The following NXPE2 variants were observed in gnomAD, a reference collection of about 807,000 sequenced individuals.
NXPE2 encodes the protein neurexophilin and PC-esterase domain family member 2.
In NXPE2, 34 loss-of-function variants were observed where a neutral mutation model predicts 34.4. The ratio of observed to expected loss-of-function variants is 0.99; its 90% CI spans 0.75 to 1.31. The LOEUF is 1.31. NXPE2 is among the 40% of genes most tolerant of loss of function. The pLI, the probability that NXPE2 is intolerant of heterozygous loss-of-function variation, is 0.00. For missense variants in NXPE2, 649 were observed against 672.5 expected (o/e 0.97, Z 0.39); for synonymous variants, 235 against 231.3 (o/e 1.02, Z -0.15).
intron 3 of NXPE2, 129 bp downstream of exon 3, chr11:114,698,907 A>G (rs1339276120): frequency 1.1e-6 from 1 of 894,332 alleles, no homozygotes; most frequent in Non-Finnish European, 1.6e-6. Context: ...AGGTCCTCAG[A>G]GTCAGTTCAG....
chr11:114,572,123 C>T, the NXPE2 span, among the ~76,000 whole-genome samples: 1 of 152,038 alleles, frequency 6.6e-6, no homozygotes, highest in Non-Finnish European at 1.5e-5. Flanking sequence ...CCCAGTAGCT[C>T]CACTGGGTTG....
the NXPE2 span, among the ~76,000 whole-genome samples, chr11:114,631,864 G>C: frequency 6.6e-6 from 1 of 151,032 alleles, no homozygotes; most frequent in Admixed American, 6.6e-5. Flanking sequence ...ATTGTGTCGT[G>C]GGTAACCGCT....
At chr11:114,734,561 A>C in the NXPE2 span, among the ~76,000 whole-genome samples, 2 of 152,168 alleles carry the variant, frequency 1.3e-5, no homozygotes, top group African/African-American at 4.8e-5. Flanking sequence ...CTAATAATTT[A>C]CTTTATTATA....
chr11:114,471,102 A>G, the NXPE2 span, among the ~76,000 whole-genome samples: 7 of 152,152 alleles, frequency 4.6e-5, no homozygotes, highest in East Asian at 1.9e-4. Flanking sequence ...TCATTCTCTT[A>G]ACAGTGCCTA....
chr11:114,680,102 C>CCT lies in NXPE2; in HGVS notation c.132+343_132+344dup, dbSNP rs1211153320. Among the ~76,000 whole-genome samples, 4 of 152,218 alleles carry CCT rather than the reference C, an allele frequency of 2.6e-5. No homozygotes were observed. The East Asian group carries it at 7.7e-4, about 29-fold the overall frequency. The stretch of plus-strand genomic sequence containing the variant: ...AAACTAATTAAGTTTCTGTTTCAGT[C>CCT]CTCTGCCTTCTTCACAGGGGTTTTC... On this transcript the variant is annotated intron_variant, in intron 2 of 5. Transcript: ENST00000389586.
In NXPE2 at chr11:114,703,048, C is replaced by T. The variant is rs1002245085; in HGVS notation, c.867-943C>T. 8.5e-5 allele frequency among the ~76,000 whole-genome samples: 13 copies of T among 152,186 alleles called. 1 individual carries two copies. The highest frequency in any genetic ancestry group is 3.4e-3 in the Middle Eastern group (1 of 294). ...AGTCATTGGGACTGATACCTTGAGA[C>T]GAAGCTCACTGTGCTGGCACTCGAA... On this transcript the variant is annotated intron_variant, in intron 3 of 5. Transcript: ENST00000389586.
At chr11:114,469,637 C>G in the NXPE2 span, among the ~76,000 whole-genome samples, 1 of 150,446 alleles carries the variant, frequency 6.6e-6, no homozygotes, top group African/African-American at 2.5e-5. Flanking sequence ...TTACATGCAC[C>G]CCCCCCACCA....
At chr11:114,474,592 T>C in the NXPE2 span, among the ~76,000 whole-genome samples, 1 of 152,138 alleles carries the variant, frequency 6.6e-6, no homozygotes, top group Non-Finnish European at 1.5e-5. Context: ...TGAGAGCAGT[T>C]CTGGTGGAGG....
chr11:114,764,811 A>T, the NXPE2 span, among the ~76,000 whole-genome samples: 1 of 152,014 alleles, frequency 6.6e-6, no homozygotes, highest in African/African-American at 2.4e-5. Context: ...TTTCTATCTC[A>T]CTCATGCTAC....
chr11:114,692,693 A>C (rs1379573428), intron 2 of NXPE2, among the ~76,000 whole-genome samples: 1 of 152,108 alleles, frequency 6.6e-6, no homozygotes, highest in Non-Finnish European at 1.5e-5. Context: ...AGCTGTTTTA[A>C]ATACTCTCCT....
the NXPE2 span, among the ~76,000 whole-genome samples, chr11:114,618,444 G>T: frequency 6.6e-6 from 1 of 152,062 alleles, no homozygotes; most frequent in Non-Finnish European, 1.5e-5. Flanking sequence ...TGGATAGTAA[G>T]TATTGCCTCA....
chr11:114,479,595 T>C, the NXPE2 span, among the ~76,000 whole-genome samples: 2 of 151,910 alleles, frequency 1.3e-5, no homozygotes, highest in East Asian at 3.9e-4. Flanking sequence ...AATTGAGGTA[T>C]AGGAAGGAGG....
At chr11:114,480,109 A>T in the NXPE2 span, among the ~76,000 whole-genome samples, 1 of 152,136 alleles carries the variant, frequency 6.6e-6, no homozygotes, top group African/African-American at 2.4e-5. Context: ...CCTCATCTCC[A>T]ACACTGGGGA....
chr11:114,669,436 G>C, the NXPE2 span, among the ~76,000 whole-genome samples: 2 of 152,104 alleles, frequency 1.3e-5, no homozygotes, highest in Admixed American at 1.3e-4. Context: ...TTACCTGAAG[G>C]GTAAGATATC....
the NXPE2 span, chr11:114,522,551 A>G: frequency 7.0e-7 from 1 of 1,432,924 alleles, no homozygotes; most frequent in Non-Finnish European, 9.4e-7. Flanking sequence ...AATGGTTAAT[A>G]TTCATGAAAA....
At chr11:114,678,038 G>T (rs992998393), upstream of NXPE2, among the ~76,000 whole-genome samples, 1 of 152,076 alleles carries the variant, frequency 6.6e-6, no homozygotes, top group Non-Finnish European at 1.5e-5. Context: ...TTAAATCATC[G>T]CTGTGGGACT....
At chr11:114,806,422 A>C in the NXPE2 span, among the ~76,000 whole-genome samples, 1 of 127,468 alleles carries the variant, frequency 7.8e-6, no homozygotes, top group East Asian at 2.4e-4. Flanking sequence ...ATTCGAACCA[A>C]TGGCAAAGAA....
chr11:114,806,172 G>A, the NXPE2 span, among the ~76,000 whole-genome samples: 744 of 152,012 alleles, frequency 4.9e-3, 8 homozygotes, highest in African/African-American at 0.016. Flanking sequence ...CAGAAAGGAC[G>A]TCCACACCCA....
the NXPE2 span, among the ~76,000 whole-genome samples, chr11:114,627,888 G>A: frequency 6.6e-6 from 1 of 151,458 alleles, no homozygotes; most frequent in Non-Finnish European, 1.5e-5. Context: ...TGATAAAACA[G>A]ACTTTAAACC....
Sources: allele counts gnomAD v4.1 joint callset (sites outside exome capture counted in the v4.1 genomes callset), GRCh38; gene constraint gnomAD v4.1.1; transcripts MANE v1.5; gene names NCBI Gene and HGNC (gene_info 2026-07-23, HGNC 2026-07-21).